Variants in NR5A1 observed in about 807,000 individuals in gnomAD.
The protein encoded by NR5A1 is nuclear receptor subfamily 5 group A member 1, also known as steroidogenic factor 1.
In NR5A1, 6 loss-of-function variants were observed where a neutral mutation model predicts 42.7. The ratio of observed to expected loss-of-function variants is 0.14; its 90% CI spans 0.08 to 0.28. The LOEUF is 0.28. NR5A1 is among the 10% of genes least tolerant of loss of function. NR5A1 has a pLI of 1.00. For synonymous variants in NR5A1, 274 were observed against 277.5 expected (o/e 0.99, Z 0.12); for missense variants, 442 against 626.4 (o/e 0.71, Z 3.14).
intron 4 of NR5A1, 57 bp from the exon 5 acceptor site, chr9:124,493,206 T>A: frequency 2.6e-6 from 4 of 1,563,388 alleles, no homozygotes; most frequent in Non-Finnish European, 3.5e-6. Flanking sequence ...GGGACCTTCC[T>A]CTCACCCCTT....
intron 5 of NR5A1, among the ~76,000 whole-genome samples, chr9:124,492,698 C>T (rs559293958): frequency 9.2e-5 from 14 of 152,260 alleles, no homozygotes; most frequent in Middle Eastern, 3.4e-3. Context: ...CCCCTCATCC[C>T]TCATTCCCCA....
Position 124,482,373 on chromosome 9 carries a change from A to C in NR5A1, c.*385T>G. 3.1e-6 allele frequency: 1 copy of C among 321,486 alleles called. No individual in the cohort carries two copies. 19.9% of individuals were successfully genotyped at this position (321,486 alleles called of 1,614,324 possible). Reference sequence around the variant, plus strand: ...CCTGTCTGTTTCCAGGAGAGGAGGAAGGGATGACCTCTGATCCAAGGGACG... The same window carrying C: ...CCTGTCTGTTTCCAGGAGAGGAGGACGGGATGACCTCTGATCCAAGGGACG... On this transcript the variant is annotated 3_prime_UTR_variant, in exon 7 of 7. Coordinates refer to ENST00000373588, the MANE Select transcript of NR5A1 (RefSeq NM_004959.5).
intron 6 of NR5A1, 49 bp downstream of exon 6, chr9:124,491,032 C>CCCCCCCCCCCAGGGGGGGGG: frequency 7.9e-7 from 1 of 1,258,250 alleles, no homozygotes; most frequent in Non-Finnish European, 1.1e-6. Flanking sequence ...CCCTCCCACC[C>CCCCCCCCCCCAGGGGGGGGG]ACCCGCCTCT....
At chr9:124,502,943 A>C in intron 3 of NR5A1, 136 bp downstream of exon 3, 12 of 1,180,060 alleles carry the variant, frequency 1.0e-5, no homozygotes, top group Non-Finnish European at 1.2e-5. Context: ...GTTCTCTTGC[A>C]GCGACTGGGC....
intron 5 of NR5A1, 63 bp from the exon 6 acceptor site, chr9:124,491,291 C>T (rs1832305534): frequency 7.5e-7 from 1 of 1,327,246 alleles, no homozygotes; most frequent in Admixed American, 1.9e-5. Flanking sequence ...AGGTGGCTCT[C>T]TGATGGGGGA....
At chr9:124,497,909 T>G (rs1466987123) in intron 4 of NR5A1, among the ~76,000 whole-genome samples, 1 of 152,226 alleles carries the variant, frequency 6.6e-6, no homozygotes, top group Non-Finnish European at 1.5e-5. Context: ...TAGAGCTGTT[T>G]GCTCTCCCCC....
At chr9:124,491,412 G>A (rs1242715503) in intron 5 of NR5A1, among the ~76,000 whole-genome samples, 184 bp from the exon 6 acceptor site, 4 of 152,126 alleles carry the variant, frequency 2.6e-5, no homozygotes, top group South Asian at 2.1e-4. Flanking sequence ...CCCCGGGGAC[G>A]CTGCCGGGCC....
At chr9:124,489,637 G>A (rs1386991566) in intron 6 of NR5A1, among the ~76,000 whole-genome samples, 4 of 152,040 alleles carry the variant, frequency 2.6e-5, no homozygotes, top group South Asian at 4.2e-4. Flanking sequence ...GTGCCGTTGC[G>A]GGCAGAGGTA....
In NR5A1 at chr9:124,500,363, C is replaced by T; in HGVS notation, c.597G>A (p.Glu199=). Reference sequence around the variant, plus strand: ...CAGGCTGTGGGGGGCTGGCATAAGGCTCCGGGTACTCAGACTTGATGGCAC... The same window carrying T: ...CAGGCTGTGGGGGGCTGGCATAAGGTTCCGGGTACTCAGACTTGATGGCAC... ...PGRAIKSEYP[E]PYASPPQPGL... The change falls in exon 4 of 7, where the codon GAG becomes GAA. Residue 199 remains glutamate, a synonymous_variant. Transcript: ENST00000373588. The surrounding 1 kb of genome is among the most constrained non-coding windows in gnomAD (Gnocchi z 6.9). The T allele has an allele frequency of 6.4e-7, 1 of 1,556,216 alleles. No individual in the cohort carries two copies. Among genetic ancestry groups the T allele is most frequent in the Non-Finnish European group, 8.7e-7 (1 of 1,150,352 alleles).
In NR5A1 at chr9:124,482,697, G is replaced by GGC; in HGVS notation, c.*60_*61insGC. ...ATGCGGAGCCAGCGGTGTGGCTGCG[G>GGC]CCCCGCCCAGGCCCCGCCCCCAGTC... On this transcript the variant is annotated 3_prime_UTR_variant, in exon 7 of 7. Coordinates refer to ENST00000373588, the MANE Select transcript of NR5A1 (RefSeq NM_004959.5). The GGC allele has an allele frequency of 9.0e-6, 8 of 886,696 alleles. No homozygotes were observed. Among genetic ancestry groups the GGC allele is most frequent in the Non-Finnish European group, 6.9e-6 (4 of 581,056 alleles). 54.9% of individuals were successfully genotyped at this position (886,696 alleles called of 1,614,324 possible).
chr9:124,486,760 G>A (rs1223366393), intron 6 of NR5A1, among the ~76,000 whole-genome samples: 1 of 152,136 alleles, frequency 6.6e-6, no homozygotes, highest in African/African-American at 2.4e-5. Context: ...CACATGTGAC[G>A]GTGCCAGCAA....
At position 124,498,128 on chromosome 9, in the gene NR5A1, G is replaced by A. The variant is rs1418579968; in HGVS notation, c.870+1962C>T. On this transcript the variant is annotated intron_variant, in intron 4 of 6. Coordinates refer to ENST00000373588, the MANE Select transcript of NR5A1 (RefSeq NM_004959.5). This position sits in a 1 kb window ranked among gnomAD's most constrained non-coding sequence, Gnocchi z 4.6. ...CTGCTAAGATGTGTCCTGTCTGGAG[G>A]TGGGGAAATGAATGATCAGCTAGAA... Among the ~76,000 whole-genome samples, 1 of 152,198 alleles carries A rather than the reference G, an allele frequency of 6.6e-6. No homozygotes were observed. The highest frequency in any genetic ancestry group is 6.5e-5 in the Admixed American group (1 of 15,288).
intron 1 of NR5A1, among the ~76,000 whole-genome samples, chr9:124,504,347 G>A (rs895367889): frequency 1.3e-5 from 2 of 152,184 alleles, no homozygotes; most frequent in Admixed American, 1.3e-4. Context: ...GGCCCCGCAG[G>A]GTCGGACCCA....
chr9:124,492,669 G>A (rs1045610722), intron 5 of NR5A1, among the ~76,000 whole-genome samples: 10 of 152,128 alleles, frequency 6.6e-5, no homozygotes, highest in Non-Finnish European at 1.0e-4. Context: ...CTGAGCCTGC[G>A]GTAGACGTGG....
At position 124,500,146 on chromosome 9, in the gene NR5A1, T is replaced by A; in HGVS notation, c.814A>T (p.Thr272Ser). 2 of 1,612,986 alleles carry A rather than the reference T, an allele frequency of 1.2e-6. No individual in the cohort carries two copies. Among genetic ancestry groups the A allele is most frequent in the Non-Finnish European group, 1.7e-6 (2 of 1,179,988 alleles). The stretch of plus-strand genomic sequence containing the variant: ...GCCCAGTCCACGATGGAGATGAAGG[T>A]CTGGTCGGCCATTCTGCACAGGAGG... The part of the protein sequence containing the change: ...FGLLCRMADQ[T>S]FISIVDWARR... The change falls in exon 4 of 7, where the codon ACC becomes TCC. Residue 272 changes from threonine (T) to serine (S), a missense_variant. Transcript: ENST00000373588. This position sits in a 1 kb window ranked among gnomAD's most constrained non-coding sequence, Gnocchi z 6.9.
chr9:124,505,364 C>A (rs2131292748), intron 1 of NR5A1, among the ~76,000 whole-genome samples: 1 of 152,244 alleles, frequency 6.6e-6, no homozygotes, highest in Admixed American at 6.5e-5. Flanking sequence ...CGACCGTGGC[C>A]GAGGCTCGGA....
Position 124,500,431 on chromosome 9 carries a change from G to A in NR5A1, c.529C>T (p.His177Tyr). Residue 177 changes from histidine to tyrosine, a missense_variant, in exon 4 of 7, where the codon CAC (histidine) becomes TAC (tyrosine). Transcript: ENST00000373588. The surrounding 1 kb of genome is among the most constrained non-coding windows in gnomAD (Gnocchi z 6.9). ...PALPMAVPGA[H>Y]GPLAGYLYPA... ...TAGAGGTAGCCAGCCAGTGGCCCGT[G>A]GGCACCGGGCACGGCCATGGGCAGT... is the stretch of plus-strand genomic sequence containing the variant. The A allele has an allele frequency of 6.4e-7, 1 of 1,574,052 alleles. No individual in the cohort carries two copies.
rs1832414084 is a variant in NR5A1, at chr9:124,498,154, G to A, written c.870+1936C>T. On this transcript the variant is annotated intron_variant, in intron 4 of 6. Coordinates refer to ENST00000373588, the MANE Select transcript of NR5A1 (RefSeq NM_004959.5). This position sits in a 1 kb window ranked among gnomAD's most constrained non-coding sequence, Gnocchi z 4.6. ...TGGGGAAATGAATGATCAGCTAGAAGAGACGCCGGAGTCACCCACACCCCT... is the reference window on the plus strand; with the variant it reads ...TGGGGAAATGAATGATCAGCTAGAAAAGACGCCGGAGTCACCCACACCCCT... 6.6e-6 allele frequency among the ~76,000 whole-genome samples: 1 copy of A among 152,158 alleles called. No individual in the cohort carries two copies. The highest frequency in any genetic ancestry group is 2.4e-5 in the African/African-American group (1 of 41,438).
At chr9:124,502,504 T>C (rs1832485622) in intron 3 of NR5A1, among the ~76,000 whole-genome samples, 1 of 152,116 alleles carries the variant, frequency 6.6e-6, no homozygotes, top group South Asian at 2.1e-4. Context: ...TACTTTTTTA[T>C]ATTTTATAGA....
Sources: allele counts gnomAD v4.1 joint callset (sites outside exome capture counted in the v4.1 genomes callset), GRCh38; gene constraint gnomAD v4.1.1; non-coding constraint Gnocchi (gnomAD v3.1); transcripts MANE v1.5; gene names NCBI Gene and HGNC (gene_info 2026-07-23, HGNC 2026-07-21).